Variants in ZBTB47 observed in about 807,000 individuals in gnomAD.
ZBTB47 encodes the protein zinc finger and BTB domain containing 47.
A neutral mutation model predicts 56.6 loss-of-function variants in ZBTB47; 24 were observed. The ratio of observed to expected loss-of-function variants is 0.42; its 90% CI spans 0.31 to 0.60. The LOEUF (loss-of-function observed/expected upper bound fraction) is 0.60. ZBTB47 is among the 20% of genes least tolerant of loss of function. The pLI is 0.14. For synonymous variants in ZBTB47, 414 were observed against 418.9 expected (o/e 0.99, Z 0.14); for missense variants, 829 against 1,032.6 (o/e 0.80, Z 2.70).
chr3:42,657,714 C>G (rs1238453930), intron 1 of ZBTB47, among the ~76,000 whole-genome samples: 5 of 152,200 alleles, frequency 3.3e-5, no homozygotes, highest in Non-Finnish European at 7.3e-5. Flanking sequence ...GGGCAGTGAG[C>G]AGTGAGCCCG....
In ZBTB47 at chr3:42,664,416, A is replaced by G; in HGVS notation, c.2062A>G (p.Thr688Ala). ...HKEKCFRVSH[T>A]LAGDGVPAAP... The stretch of plus-strand genomic sequence containing the variant: ...GGAGAAGTGCTTCCGCGTCAGCCAC[A>G]CCCTGGCCGGCGACGGCGTCCCCGC... Residue 688 changes from threonine (T) to alanine (A), a missense_variant, in exon 6 of 6, where the codon ACC becomes GCC. This residue lies in a region of ZBTB47 where 115 missense variants were observed against 117.2 expected (regional missense o/e 0.98). Coordinates refer to ENST00000232974, the MANE Select transcript of ZBTB47 (RefSeq NM_145166.4). 1 of 1,564,924 alleles carries G rather than the reference A, an allele frequency of 6.4e-7. No homozygotes were observed. Among genetic ancestry groups the G allele is most frequent in the Non-Finnish European group, 8.6e-7 (1 of 1,157,650 alleles).
In ZBTB47 at chr3:42,658,836, G is replaced by T. The variant is rs776214428; in HGVS notation, c.481G>T (p.Asp161Tyr). 55 of 1,533,538 alleles carry T rather than the reference G, an allele frequency of 3.6e-5. No homozygotes were observed. The highest frequency in any genetic ancestry group is 3.8e-5 in the Non-Finnish European group (43 of 1,145,628). The allele number at this position is 1,533,538 out of a possible 1,614,324, so 95.0% of individuals were successfully genotyped here. A position where few individuals can be genotyped will look rare whatever the true frequency, so the allele number is the denominator to read the frequency against. ...LPKIYAREGP[D>Y]PYSVRVEDGA... Reference sequence around the variant, plus strand: ...CAAGATCTATGCCCGCGAGGGCCCTGACCCTTACTCGGTGCGTGTTGAGGA... The same window carrying T: ...CAAGATCTATGCCCGCGAGGGCCCTTACCCTTACTCGGTGCGTGTTGAGGA... Residue 161 changes from aspartate (D) to tyrosine (Y), a missense_variant, in exon 2 of 6, where the codon GAC becomes TAC. Asp to Tyr is a radical substitution (Grantham distance 160). Coordinates refer to ENST00000232974, the MANE Select transcript of ZBTB47 (RefSeq NM_145166.4).
intron 2 of ZBTB47, among the ~76,000 whole-genome samples, chr3:42,660,182 G>C (rs555196001): frequency 6.6e-6 from 1 of 152,240 alleles, no homozygotes; most frequent in African/African-American, 2.4e-5. Flanking sequence ...GGCCACTCTG[G>C]GTGGGATGAG....
Position 42,664,570 on chromosome 3 carries a change from C to CCGG in ZBTB47, c.2220_2222dup (p.Gly741dup), listed in dbSNP as rs1710761992. 9 of 1,418,816 alleles carry CCGG rather than the reference C, an allele frequency of 6.3e-6. No individual in the cohort carries two copies. Among genetic ancestry groups the CCGG allele is most frequent in the Non-Finnish European group, 8.2e-6 (9 of 1,100,922 alleles). 87.9% of individuals were successfully genotyped at this position (1,418,816 alleles called of 1,614,324 possible). A position where few individuals can be genotyped will look rare whatever the true frequency, so the allele number is the denominator to read the frequency against. ...CCGCTCTTCCCCACCACTGCCAGCCCCGGCGGGAGGATGAACGCCAACAAC... is the reference window on the plus strand; with the variant it reads ...CCGCTCTTCCCCACCACTGCCAGCCCCGGCGGCGGGAGGATGAACGCCAACAAC... On this transcript the variant is annotated inframe_insertion, in exon 6 of 6. Transcript: ENST00000232974.
Position 42,666,391 on chromosome 3 carries a change from G to A in ZBTB47, c.*1793G>A, listed in dbSNP as rs1473827448. 2.0e-5 allele frequency among the ~76,000 whole-genome samples: 3 copies of A among 152,178 alleles called. No individual in the cohort carries two copies. The highest frequency in any genetic ancestry group is 7.2e-5 in the African/African-American group (3 of 41,460). The stretch of plus-strand genomic sequence containing the variant: ...CCCACCCCAAGGCTGGGGACTCCAG[G>A]CTCCTGCTTTACTGTAGCTCTTTTT... On this transcript the variant is annotated 3_prime_UTR_variant, in exon 6 of 6. Coordinates refer to ENST00000232974, the MANE Select transcript of ZBTB47 (RefSeq NM_145166.4).
At position 42,667,293 on chromosome 3, in the gene ZBTB47, CG is replaced by C. The variant is rs1040525869; in HGVS notation, c.*2697del. Among the ~76,000 whole-genome samples the C allele has an allele frequency of 6.6e-6, 1 of 152,182 alleles. No homozygotes were observed. The highest frequency in any genetic ancestry group is 1.5e-5 in the Non-Finnish European group (1 of 68,038). On this transcript the variant is annotated 3_prime_UTR_variant, in exon 6 of 6. Coordinates refer to ENST00000232974, the MANE Select transcript of ZBTB47 (RefSeq NM_145166.4). Reference sequence around the variant, plus strand: ...CTGGAGTCTGGGTCTGCCCCCTCCCCGGCTCCTTGGGGCTCTCTGGTCTCAG... The same window carrying C: ...CTGGAGTCTGGGTCTGCCCCCTCCCCGCTCCTTGGGGCTCTCTGGTCTCAG...
chr3:42,664,389 AAGG>A lies in ZBTB47; in HGVS notation c.2038_2040del (p.Glu680del). On this transcript the variant is annotated inframe_deletion, in exon 6 of 6. Coordinates refer to ENST00000232974, the MANE Select transcript of ZBTB47 (RefSeq NM_145166.4). ...CTTCTCCAACATGCTCAAGGCCCAC[AAGG>A]AGAAGTGCTTCCGCGTCAGCCACAC... The A allele has an allele frequency of 6.2e-7, 1 of 1,602,712 alleles. No individual in the cohort carries two copies. The highest frequency in any genetic ancestry group is 8.5e-7 in the Non-Finnish European group (1 of 1,175,322).
chr3:42,654,592 G>C lies in ZBTB47; in HGVS notation c.-82+709G>C. ...GGCCATGGTCGCGGGGCCCTGCGCGGGGGCGGCCCCCAGCGCGGCGCTTCA... is the reference window on the plus strand; with the variant it reads ...GGCCATGGTCGCGGGGCCCTGCGCGCGGGCGGCCCCCAGCGCGGCGCTTCA... On this transcript the variant is annotated intron_variant, in intron 1 of 5. Coordinates refer to ENST00000232974, the MANE Select transcript of ZBTB47 (RefSeq NM_145166.4). The surrounding 1 kb of genome is among the most constrained non-coding windows in gnomAD (Gnocchi z 5.0). The C allele has an allele frequency of 1.2e-6, 1 of 816,974 alleles. No individual in the cohort carries two copies. The highest frequency in any genetic ancestry group is 1.5e-6 in the Non-Finnish European group (1 of 677,552). 50.6% of individuals were successfully genotyped at this position (816,974 alleles called of 1,614,324 possible).
At chr3:42,664,115 G>A (rs773134880) in intron 5 of ZBTB47, 122 bp from the exon 6 acceptor site, 335 of 1,485,588 alleles carry the variant, frequency 2.3e-4, no homozygotes, top group Non-Finnish European at 2.8e-4. Context: ...CCCCAGGGTC[G>A]GGGAGGATCT....
chr3:42,654,307 AGCTGGG>A lies in ZBTB47; in HGVS notation c.-82+432_-82+437del, dbSNP rs1234633030. On this transcript the variant is annotated intron_variant, in intron 1 of 5. Transcript: ENST00000232974. The surrounding 1 kb of genome is among the most constrained non-coding windows in gnomAD (Gnocchi z 5.0). ...GCAGTGGGGACGGGCTGGGGGCTGG[AGCTGGG>A]GCTGGGGGTGGAGGGCAGCCTGCGG... 1.0e-5 allele frequency: 1 copy of A among 98,042 alleles called. No homozygotes were observed. Among genetic ancestry groups the A allele is most frequent in the South Asian group, 3.3e-4 (1 of 2,986 alleles). 6.1% of individuals were successfully genotyped at this position (98,042 alleles called of 1,614,324 possible).
chr3:42,659,739 A>T lies in ZBTB47; in HGVS notation c.1384A>T (p.Met462Leu), dbSNP rs1205979325. Residue 462 changes from methionine to leucine, a missense_variant, in exon 2 of 6, where the codon ATG becomes TTG. By Grantham distance (15) the Met-to-Leu change is conservative. Around this residue, in one of 6 missense-constraint regions of ZBTB47, gnomAD observed 187 missense variants for 253.1 expected, o/e 0.74. Transcript: ENST00000232974. Reference protein sequence around the residue: ...EKHMNVTHSRMQICDQCGKRF... With the variant: ...EKHMNVTHSRLQICDQCGKRF... ...ACACATGAATGTGACCCACAGCCGC[A>T]TGCAGATCTGCGACCAGTGCGGCAA... 1.2e-6 allele frequency: 2 copies of T among 1,613,804 alleles called. No homozygotes were observed. Among genetic ancestry groups the T allele is most frequent in the African/African-American group, 2.7e-5 (2 of 74,948 alleles).
chr3:42,660,937 A>G (rs116585149), intron 2 of ZBTB47, among the ~76,000 whole-genome samples: 243 of 152,222 alleles, frequency 1.6e-3, no homozygotes, highest in African/African-American at 5.5e-3. Flanking sequence ...ATGGGGGGAT[A>G]TGGTCCCCAA....
rs895426491 is a variant in ZBTB47, at chr3:42,666,470, C to T, written c.*1872C>T. 1.3e-5 allele frequency among the ~76,000 whole-genome samples: 2 copies of T among 152,182 alleles called. No individual in the cohort carries two copies. The highest frequency in any genetic ancestry group is 2.4e-5 in the African/African-American group (1 of 41,442). ...TCCGTGATGTCCTCAGGGTCCCCCC[C>T]TCCCTGTTGCTATTTTTAATCTCTA... On this transcript the variant is annotated 3_prime_UTR_variant, in exon 6 of 6. Transcript: ENST00000232974.
rs1303322471 is a variant in ZBTB47 at position 42,663,457 on chromosome 3, G to C, written c.1737+330G>C. Among the ~76,000 whole-genome samples the C allele has an allele frequency of 6.6e-6, 1 of 152,108 alleles. No individual in the cohort carries two copies. The highest frequency in any genetic ancestry group is 1.5e-5 in the Non-Finnish European group (1 of 68,006). On this transcript the variant is annotated intron_variant, in intron 4 of 5. Coordinates refer to ENST00000232974, the MANE Select transcript of ZBTB47 (RefSeq NM_145166.4). This position sits in a 1 kb window ranked among gnomAD's most constrained non-coding sequence, Gnocchi z 5.1. ...GGCCTGGAGCTCAGATGAGACAACA[G>C]AGCTGCAGGTGGGGAGGTGGGGGCA...
rs1482846201 is a variant in ZBTB47 at position 42,659,214 on chromosome 3, G to A, written c.859G>A (p.Glu287Lys). 4 of 1,529,046 alleles carry A rather than the reference G, an allele frequency of 2.6e-6. No homozygotes were observed. Among genetic ancestry groups the A allele is most frequent in the Admixed American group, 4.0e-5 (2 of 50,628 alleles). 94.7% of individuals were successfully genotyped at this position (1,529,046 alleles called of 1,614,324 possible). A position where few individuals can be genotyped will look rare whatever the true frequency, so the allele number is the denominator to read the frequency against. The change falls in exon 2 of 6, where the codon GAG becomes AAG. Residue 287 changes from glutamate to lysine, a missense_variant. Around this residue, in one of 6 missense-constraint regions of ZBTB47, gnomAD observed 359 missense variants for 359.8 expected, o/e 1.00. Coordinates refer to ENST00000232974, the MANE Select transcript of ZBTB47 (RefSeq NM_145166.4). ...GGAGGAGGAGGACGACGAGGAGGAG[G>A]AGGAGGAAGAAGAGGAAGAGGAAGG... ...DEEEEDDEEE[E>K]EEEEEEEGGG...
At chr3:42,657,927 C>A (rs564490857) in intron 1 of ZBTB47, among the ~76,000 whole-genome samples, 25 of 152,324 alleles carry the variant, frequency 1.6e-4, no homozygotes, top group Non-Finnish European at 3.5e-4. Flanking sequence ...ATGCCCAGGT[C>A]CCTGGCAAAC....
In ZBTB47 at chr3:42,663,795, A is replaced by G; in HGVS notation, c.1738-2A>G. On this transcript the variant is annotated splice_acceptor_variant, in intron 4 of 5. Coordinates refer to ENST00000232974, the MANE Select transcript of ZBTB47 (RefSeq NM_145166.4). LOFTEE classifies it high-confidence loss of function. This position sits in a 1 kb window ranked among gnomAD's most constrained non-coding sequence, Gnocchi z 5.1. Reference sequence around the variant, plus strand: ...GGCCTCACCCCCAAACCCCACCCCCAGAACTGCAATGAGCGCTTCCAGTAC... The same window carrying G: ...GGCCTCACCCCCAAACCCCACCCCCGGAACTGCAATGAGCGCTTCCAGTAC... 1 of 1,609,386 alleles carries G rather than the reference A, an allele frequency of 6.2e-7. No homozygotes were observed. The highest frequency in any genetic ancestry group is 8.5e-7 in the Non-Finnish European group (1 of 1,177,334).
In ZBTB47 at chr3:42,658,620, G is replaced by T. The variant is rs1310669974; in HGVS notation, c.265G>T (p.Val89Leu). 1.3e-6 allele frequency: 2 copies of T among 1,536,862 alleles called. No homozygotes were observed. Among genetic ancestry groups the T allele is most frequent in the Non-Finnish European group, 1.7e-6 (2 of 1,146,940 alleles). Reference sequence around the variant, plus strand: ...GGTCAACGCGGCCAACGTCCACGAGGTGCTCAGCGCCGCCTCATTGCTGCA... The same window carrying T: ...GGTCAACGCGGCCAACGTCCACGAGTTGCTCAGCGCCGCCTCATTGCTGCA... ...LLVNAANVHE[V>L]LSAASLLQMA... The change falls in exon 2 of 6, where the codon GTG (valine) becomes TTG (leucine). Residue 89 changes from valine (V) to leucine (L), a missense_variant. This residue lies in a region of ZBTB47 where 120 missense variants were observed against 200.2 expected (regional missense o/e 0.60). Transcript: ENST00000232974.
At position 42,659,548 on chromosome 3, in the gene ZBTB47, G is replaced by A. The variant is rs201137018; in HGVS notation, c.1193G>A (p.Arg398Gln). The A allele has an allele frequency of 1.3e-3, 2,052 of 1,575,354 alleles. 4 individuals are homozygous for A. Among genetic ancestry groups the A allele is most frequent in the Non-Finnish European group, 1.6e-3 (1,912 of 1,161,268 alleles). ...ACCCCTGAACCTGAAGAAGCTGGGC[G>A]GCGGGGTGGGAAGAGGCCAAAGCCA... is the stretch of plus-strand genomic sequence containing the variant. ...RGTPEPEEAG[R>Q]RGGKRPKPPP... The change falls in exon 2 of 6, where the codon CGG becomes CAG. Residue 398 changes from arginine to glutamine, a missense_variant. Physicochemically the swap from Arg to Gln is conservative, Grantham distance 43. Transcript: ENST00000232974.
Sources: allele counts gnomAD v4.1 joint callset (sites outside exome capture counted in the v4.1 genomes callset), GRCh38; gene constraint gnomAD v4.1.1; regional missense constraint gnomAD v4.1.1; non-coding constraint Gnocchi (gnomAD v3.1); transcripts MANE v1.5; gene names NCBI Gene and HGNC (gene_info 2026-07-23, HGNC 2026-07-21).